The following NTNG1 variants were observed in gnomAD, a reference collection of about 807,000 sequenced individuals.
NTNG1 encodes the protein netrin G1, also known as netrin-G1.
Under a neutral mutation model 54.0 loss-of-function variants are expected in NTNG1, and 16 were observed. That is an observed-to-expected ratio of 0.30 (90% CI 0.20 to 0.45). The LOEUF (loss-of-function observed/expected upper bound fraction) is 0.45, where lower values mean the gene tolerates loss of function less well. Among genes scored for constraint, NTNG1 ranks in the 20% least tolerant of loss-of-function variants. NTNG1 has a pLI of 1.00. For synonymous variants in NTNG1, 255 were observed against 263.1 expected, an observed-to-expected ratio of 0.97 and a Z score of 0.30; for missense variants, 530 against 678.7, an observed-to-expected ratio of 0.78 and a Z score of 2.43.
At chr1:107,315,840 G>GTA (rs1557892932) in intron 2 of NTNG1, among the ~76,000 whole-genome samples, 1 of 152,056 alleles carries the variant, frequency 6.6e-6, no homozygotes, top group East Asian at 1.9e-4. Context: ...ACTATACCCA[G>GTA]TATACAGCAC....
intron 7 of NTNG1, among the ~76,000 whole-genome samples, chr1:107,461,461 G>A (rs533552749): frequency 7.4e-4 from 112 of 152,264 alleles, no homozygotes; most frequent in South Asian, 3.3e-3. Context: ...TCTGAGATGC[G>A]AAGAGGAAGA....
chr1:107,483,531 G>A lies in NTNG1; in HGVS notation c.*2691G>A, dbSNP rs1234434225. 1 of 152,192 alleles carries A rather than the reference G, an allele frequency of 6.6e-6. No individual in the cohort carries two copies. Among genetic ancestry groups the A allele is most frequent in the Non-Finnish European group, 1.5e-5 (1 of 68,036 alleles). The allele number at this position is 152,192 out of a possible 1,614,324, so 9.4% of individuals were successfully genotyped here. A position where few individuals can be genotyped will look rare whatever the true frequency, so the allele number is the denominator to read the frequency against. Reference sequence around the variant, plus strand: ...GTTCTTCTAAAGGAGCTACTCCTCTGAGGAAACCTCAACTCAGTGGACTTG... The same window carrying A: ...GTTCTTCTAAAGGAGCTACTCCTCTAAGGAAACCTCAACTCAGTGGACTTG... On this transcript the variant is annotated 3_prime_UTR_variant, in exon 8 of 8. Coordinates refer to ENST00000370068, the MANE Select transcript of NTNG1 (RefSeq NM_001113226.3).
chr1:107,425,217 T>C (rs1410845408), intron 5 of NTNG1, among the ~76,000 whole-genome samples: 1 of 152,022 alleles, frequency 6.6e-6, no homozygotes, highest in Non-Finnish European at 1.5e-5. Flanking sequence ...AGGGGGTACA[T>C]GTGCTTGTGT....
chr1:107,289,636 T>A (rs1665453860), intron 2 of NTNG1, among the ~76,000 whole-genome samples: 1 of 152,120 alleles, frequency 6.6e-6, no homozygotes, highest in Non-Finnish European at 1.5e-5. Context: ...CTTATTCTAG[T>A]CCTTCTAGTC....
At chr1:107,200,213 T>A (rs551740602) in intron 2 of NTNG1, among the ~76,000 whole-genome samples, 40 of 151,448 alleles carry the variant, frequency 2.6e-4, no homozygotes, top group African/African-American at 9.2e-4. Context: ...ATTCATTTAG[T>A]CATTCATAAA....
chr1:107,410,940 T>G (rs1161351998), intron 5 of NTNG1, among the ~76,000 whole-genome samples: 1 of 152,150 alleles, frequency 6.6e-6, no homozygotes, highest in Non-Finnish European at 1.5e-5. Flanking sequence ...CAAAACTGAA[T>G]GACAGATGAG....
chr1:107,429,855 A>G (rs1470120200), intron 5 of NTNG1, among the ~76,000 whole-genome samples: 1 of 152,144 alleles, frequency 6.6e-6, no homozygotes, highest in Admixed American at 6.6e-5. Context: ...AGATGCAAGA[A>G]AGAAGAAATC....
chr1:107,440,783 A>G (rs1029071636), intron 7 of NTNG1, among the ~76,000 whole-genome samples: 1 of 152,126 alleles, frequency 6.6e-6, no homozygotes, highest in East Asian at 1.9e-4. Flanking sequence ...TGAGCTGGGG[A>G]CATTTTAAAA....
intron 7 of NTNG1, among the ~76,000 whole-genome samples, chr1:107,444,475 A>T (rs1430804836): frequency 6.6e-6 from 1 of 152,150 alleles, no homozygotes; most frequent in Non-Finnish European, 1.5e-5. Context: ...GCTGAAGCTT[A>T]GCCTAGGGCA....
chr1:107,411,168 T>A (rs923536922), intron 5 of NTNG1, among the ~76,000 whole-genome samples: 2 of 134,710 alleles, frequency 1.5e-5, no homozygotes, highest in Non-Finnish European at 3.2e-5. Context: ...GAGGAAGGTG[T>A]TTGGCTATTC....
intron 7 of NTNG1, among the ~76,000 whole-genome samples, chr1:107,462,523 G>A (rs1328609608): frequency 1.3e-5 from 2 of 152,118 alleles, no homozygotes; most frequent in Non-Finnish European, 2.9e-5. Context: ...ATAGATGTTC[G>A]CTTTTGTTAC....
intron 2 of NTNG1, among the ~76,000 whole-genome samples, chr1:107,236,890 C>G (rs1192443727): frequency 6.6e-6 from 1 of 152,164 alleles, no homozygotes; most frequent in East Asian, 1.9e-4. Flanking sequence ...GTAAATTGCC[C>G]AGTCTCAGGT....
chr1:107,245,946 A>T (rs1016509786), intron 2 of NTNG1, among the ~76,000 whole-genome samples: 1 of 152,256 alleles, frequency 6.6e-6, no homozygotes, highest in African/African-American at 2.4e-5. Context: ...TAATTCTCTT[A>T]TTAAAACAAA....
chr1:107,428,732 T>G (rs1433528570), intron 5 of NTNG1, among the ~76,000 whole-genome samples: 1 of 152,058 alleles, frequency 6.6e-6, no homozygotes, highest in Non-Finnish European at 1.5e-5. Context: ...TGTCTTTATT[T>G]CAAACTCTCA....
At chr1:107,267,876 T>G (rs889569115) in intron 2 of NTNG1, among the ~76,000 whole-genome samples, 2 of 152,194 alleles carry the variant, frequency 1.3e-5, no homozygotes, top group Non-Finnish European at 1.5e-5. Flanking sequence ...CTGCTAACCA[T>G]CAAATAAGAG....
intron 3 of NTNG1, among the ~76,000 whole-genome samples, chr1:107,391,104 G>A (rs549452025): frequency 1.2e-4 from 19 of 152,326 alleles, no homozygotes; most frequent in African/African-American, 4.1e-4. Context: ...GTAGAATGCT[G>A]TAGGCAGAAG....
intron 7 of NTNG1, among the ~76,000 whole-genome samples, chr1:107,459,667 T>C (rs1434093966): frequency 6.6e-6 from 1 of 152,208 alleles, no homozygotes; most frequent in African/African-American, 2.4e-5. Flanking sequence ...TGATTTCTCC[T>C]GACAAAATTT....
chr1:107,176,636 A>G (rs1656672745), intron 2 of NTNG1, among the ~76,000 whole-genome samples: 1 of 152,182 alleles, frequency 6.6e-6, no homozygotes, highest in Non-Finnish European at 1.5e-5. Context: ...GCAATGCTAT[A>G]TTATGTTAGG....
chr1:107,397,201 A>T (rs1239683637), intron 4 of NTNG1, among the ~76,000 whole-genome samples: 2 of 152,070 alleles, frequency 1.3e-5, no homozygotes, highest in African/African-American at 4.8e-5. Context: ...TACATTTTGG[A>T]CGTTTTTCCT....
Sources: allele counts gnomAD v4.1 joint callset (sites outside exome capture counted in the v4.1 genomes callset), GRCh38; gene constraint gnomAD v4.1.1; transcripts MANE v1.5; gene names NCBI Gene and HGNC (gene_info 2026-07-23, HGNC 2026-07-21).